CERT1: variants seen among roughly 807,000 people sequenced by gnomAD.
CERT1 encodes the protein ceramide transfer protein.
CERT1 carries 31 observed loss-of-function variants against 87.9 expected under a neutral mutation model. The ratio of observed to expected loss-of-function variants is 0.35; its 90% CI spans 0.27 to 0.48. The LOEUF (loss-of-function observed/expected upper bound fraction) is 0.48, where lower values mean the gene tolerates loss of function less well. Ranked by LOEUF, CERT1 falls within the 20% of genes least tolerant of loss-of-function variation. The pLI is 0.99. For synonymous variants in CERT1, 289 were observed against 250.9 expected (o/e 1.15, Z -1.44); for missense variants, 487 against 758.0 (o/e 0.64, Z 4.20).
At chr5:75,386,849 A>G (rs1293852431) in intron 12 of CERT1, among the ~76,000 whole-genome samples, 1 of 152,098 alleles carries the variant, frequency 6.6e-6, no homozygotes, top group Non-Finnish European at 1.5e-5. Flanking sequence ...CAGTTCACAC[A>G]GCTAGTAAGC....
chr5:75,467,462 G>A (rs187069099), intron 2 of CERT1, among the ~76,000 whole-genome samples: 2 of 151,894 alleles, frequency 1.3e-5, no homozygotes, highest in South Asian at 2.1e-4. Context: ...TCAACATGGC[G>A]AAACCCCATC....
intron 5 of CERT1, 141 bp from the exon 6 acceptor site, chr5:75,419,565 C>A: frequency 3.2e-6 from 2 of 625,684 alleles, no homozygotes; most frequent in South Asian, 2.1e-5. Flanking sequence ...CACTGGTAAT[C>A]AAGGTATGCT....
intron 2 of CERT1, among the ~76,000 whole-genome samples, chr5:75,500,164 T>G (rs1767282166): frequency 6.6e-6 from 1 of 152,130 alleles, no homozygotes. Context: ...GGGAAACTCA[T>G]GAAACAGCTT....
At chr5:75,511,802 C>A (rs1402147343), upstream of CERT1, 24 of 1,551,414 alleles carry the variant, frequency 1.5e-5, no homozygotes, top group Non-Finnish European at 2.1e-5. Context: ...GCAGGAGGAG[C>A]GGAGAAAGGA....
At chr5:75,389,734 A>C (rs943736213) in intron 11 of CERT1, 47 bp from the exon 12 acceptor site, 2 of 1,420,282 alleles carry the variant, frequency 1.4e-6, no homozygotes, top group Non-Finnish European at 2.0e-6. Flanking sequence ...GGTATGTCAT[A>C]ATCTCTAAAA....
chr5:75,459,962 CAAAAAA>C (rs753591061), intron 2 of CERT1, among the ~76,000 whole-genome samples: 6 of 25,532 alleles, frequency 2.3e-4, no homozygotes, highest in East Asian at 1.2e-3. Context: ...TCCTCCGTCT[CAAAAAA>C]AAAAAAAAAA....
At chr5:75,413,585 C>A (rs2112137258) in intron 7 of CERT1, among the ~76,000 whole-genome samples, 1 of 152,160 alleles carries the variant, frequency 6.6e-6, no homozygotes, top group East Asian at 1.9e-4. Context: ...ATAGTCATTG[C>A]ACTTCAGCCT....
rs759927265 is a variant in CERT1, at chr5:75,384,722, A to G, written c.1418-10T>C. On this transcript the variant is annotated splice_polypyrimidine_tract_variant and intron_variant, in intron 13 of 16. Transcript: ENST00000643780. ...AAGTTTTCTATAGTTGCTGAAATGA[A>G]GAGAATAATAAAAAGATATATTATC... The G allele has an allele frequency of 7.3e-6, 11 of 1,512,660 alleles. No homozygotes were observed. The Admixed American group carries it at 1.7e-4, about 23-fold the overall frequency. 93.7% of individuals were successfully genotyped at this position (1,512,660 alleles called of 1,614,324 possible). A position where few individuals can be genotyped will look rare whatever the true frequency, so the allele number is the denominator to read the frequency against.
At chr5:75,408,837 C>G (rs1762816188) in intron 8 of CERT1, among the ~76,000 whole-genome samples, 1 of 151,702 alleles carries the variant, frequency 6.6e-6, no homozygotes, top group African/African-American at 2.4e-5. Context: ...TGCTCAATTA[C>G]ATACATAAAG....
At chr5:75,368,866 G>T (rs1286998719) in intron 17 of CERT1, 1 of 152,136 alleles carries the variant, frequency 6.6e-6, no homozygotes, top group Non-Finnish European at 1.5e-5. Context: ...TTTATGATGT[G>T]GCTATGTGCT....
At chr5:75,431,615 G>C (rs1374514494) in intron 3 of CERT1, among the ~76,000 whole-genome samples, 2 of 152,134 alleles carry the variant, frequency 1.3e-5, no homozygotes, top group Non-Finnish European at 2.9e-5. Context: ...CCATGATTTG[G>C]CCCATGTGTT....
intron 17 of CERT1, chr5:75,371,711 A>G (rs934404999): frequency 3.9e-5 from 6 of 152,224 alleles, no homozygotes; most frequent in African/African-American, 1.4e-4. Flanking sequence ...CATCACCAAT[A>G]TATTTCAAGT....
chr5:75,429,175 GAATAATAATAAT>G (rs35760935), intron 3 of CERT1, among the ~76,000 whole-genome samples: 2 of 143,844 alleles, frequency 1.4e-5, no homozygotes, highest in African/African-American at 5.2e-5. Context: ...AATAGAAACT[GAATAATAATAAT>G]AATAATAATA....
At position 75,392,551 on chromosome 5, in the gene CERT1, G is replaced by A. The variant is rs539255041; in HGVS notation, c.1189-2864C>T. ...ATAACAAATTTTATGTTTGCTGTAGGAAAATACAAAGTAACCAATATTACC... is the reference window on the plus strand; with the variant it reads ...ATAACAAATTTTATGTTTGCTGTAGAAAAATACAAAGTAACCAATATTACC... On this transcript the variant is annotated intron_variant, in intron 11 of 16. Coordinates refer to ENST00000643780, the MANE Select transcript of CERT1 (RefSeq NM_001379029.1). Among the ~76,000 whole-genome samples the A allele has an allele frequency of 3.9e-5, 6 of 152,220 alleles. No homozygotes were observed. In the South Asian group the frequency reaches 1.2e-3, roughly 32 times the overall value.
chr5:75,464,439 T>A (rs1430634144), intron 2 of CERT1, among the ~76,000 whole-genome samples: 1 of 152,112 alleles, frequency 6.6e-6, no homozygotes, highest in Non-Finnish European at 1.5e-5. Flanking sequence ...GGGTACAGGG[T>A]GCTATGGGGG....
intron 3 of CERT1, among the ~76,000 whole-genome samples, chr5:75,455,987 A>G (rs1380989179): frequency 1.3e-5 from 2 of 152,216 alleles, no homozygotes; most frequent in Admixed American, 6.5e-5. Flanking sequence ...AATAAGTGTT[A>G]GCTCCTATCA....
chr5:75,460,668 T>C (rs575573263), intron 2 of CERT1, among the ~76,000 whole-genome samples: 15 of 152,358 alleles, frequency 9.8e-5, no homozygotes, highest in Admixed American at 7.8e-4. Context: ...AACACGACAG[T>C]GAACTTATTT....
chr5:75,479,812 T>C (rs2112386232), intron 2 of CERT1, among the ~76,000 whole-genome samples: 1 of 152,286 alleles, frequency 6.6e-6, no homozygotes, highest in East Asian at 1.9e-4. Context: ...TATTCAGTAA[T>C]GGAATTGCTG....
intron 5 of CERT1, among the ~76,000 whole-genome samples, 159 bp from the exon 6 acceptor site, chr5:75,419,583 T>A (rs1196320512): frequency 6.6e-6 from 1 of 152,208 alleles, no homozygotes; most frequent in Non-Finnish European, 1.5e-5. Flanking sequence ...GCTCAATAAA[T>A]ATCTACCTAT....
Sources: allele counts gnomAD v4.1 joint callset (sites outside exome capture counted in the v4.1 genomes callset), GRCh38; gene constraint gnomAD v4.1.1; transcripts MANE v1.5; gene names NCBI Gene and HGNC (gene_info 2026-07-23, HGNC 2026-07-21).